Variants in SHOC1 observed in about 807,000 individuals in gnomAD.
The protein encoded by SHOC1 is protein shortage in chiasmata 1 ortholog.
In SHOC1, 136 loss-of-function variants were observed where a neutral mutation model predicts 179.2. The ratio of observed to expected loss-of-function variants is 0.76; its 90% confidence interval spans 0.66 to 0.87. The LOEUF (loss-of-function observed/expected upper bound fraction) is 0.87, where lower values mean the gene tolerates loss of function less well. Among genes scored for constraint, SHOC1 ranks in the 40% least tolerant of loss-of-function variants. The pLI is 0.00. For missense variants in SHOC1, 1,538 were observed against 1,700.8 expected, an observed-to-expected ratio of 0.90 and a Z score of 1.68; for synonymous variants, 489 against 586.6, an observed-to-expected ratio of 0.83 and a Z score of 2.41.
At chr9:111,723,978 AT>A (rs1026582822) in intron 13 of SHOC1, 67 bp from the exon 14 acceptor site, 21 of 1,197,996 alleles carry the variant, frequency 1.8e-5, no homozygotes, top group Non-Finnish European at 2.3e-5. Context: ...TTTTACCTTA[AT>A]TTTTTTTCTA....
At chr9:111,713,071 C>T (rs1832625306) in intron 18 of SHOC1, 29 bp downstream of exon 18, 10 of 1,324,232 alleles carry the variant, frequency 7.6e-6, no homozygotes, top group Non-Finnish European at 1.1e-5. Flanking sequence ...CATTTGTTAT[C>T]AAATGAAGCA....
At chr9:111,759,151 C>T in intron 5 of SHOC1, 2 of 1,603,398 alleles carry the variant, frequency 1.2e-6, no homozygotes, top group Non-Finnish European at 1.7e-6. Flanking sequence ...ATCTTATGGA[C>T]TTACACTTCA....
chr9:111,744,907 T>TA (rs1286308561), intron 10 of SHOC1, among the ~76,000 whole-genome samples: 6 of 152,250 alleles, frequency 3.9e-5, no homozygotes, highest in Admixed American at 2.6e-4. Context: ...AGGGCAAGGA[T>TA]GCTGGGCTAT....
At chr9:111,724,634 AGCTACCAT>A (rs1833218102) in intron 13 of SHOC1, among the ~76,000 whole-genome samples, 1 of 152,062 alleles carries the variant, frequency 6.6e-6, no homozygotes, top group Admixed American at 6.6e-5. Flanking sequence ...TACAGGCATG[AGCTACCAT>A]GCCTGACCTG....
At chr9:111,715,108 G>A (rs769354017) in intron 16 of SHOC1, among the ~76,000 whole-genome samples, 3 of 152,182 alleles carry the variant, frequency 2.0e-5, no homozygotes, top group Admixed American at 6.5e-5. Flanking sequence ...TAAAACAGCA[G>A]TGCCTCATTC....
At position 111,761,487 on chromosome 9, in the gene SHOC1, G is replaced by A. The variant is rs536880934; in HGVS notation, c.443-2639C>T. 1.2e-4 allele frequency among the ~76,000 whole-genome samples: 19 copies of A among 152,078 alleles called. No homozygotes were observed. In the East Asian group the frequency reaches 1.5e-3, roughly 12 times the overall value. On this transcript the variant is annotated intron_variant, in intron 5 of 27. Coordinates refer to ENST00000682961, the MANE Select transcript of SHOC1 (RefSeq NM_001378211.1). ...ACTGCACTCCAGCCTGGGCCACAGA[G>A]CAAGACTCCATCTTAGAACAAAAAA... is the stretch of plus-strand genomic sequence containing the variant.
In SHOC1 at chr9:111,769,975, G is replaced by GTTTGT. The variant is rs1564161086; in HGVS notation, c.442+5815_442+5816insACAAA. Among the ~76,000 whole-genome samples the GTTTGT allele has an allele frequency of 2.7e-4, 24 of 87,786 alleles. 1 individual carries two copies. Among genetic ancestry groups the GTTTGT allele is most frequent in the African/African-American group, 7.4e-4 (14 of 18,814 alleles). 57.6% of individuals were successfully genotyped at this position (87,786 alleles called of 152,430 possible). ...AATCTAGCGAAAGGTTTTATCTTCT[G>GTTTGT]TTTTTTTTTTGTTTTTTTTTTTTTT... On this transcript the variant is annotated intron_variant, in intron 5 of 27. Coordinates refer to ENST00000682961, the MANE Select transcript of SHOC1 (RefSeq NM_001378211.1).
chr9:111,702,742 A>G (rs1210608685), intron 22 of SHOC1, among the ~76,000 whole-genome samples: 2 of 152,248 alleles, frequency 1.3e-5, no homozygotes, highest in Non-Finnish European at 2.9e-5. Context: ...TTCCTTTAAC[A>G]TAAGTAATTT....
intron 20 of SHOC1, among the ~76,000 whole-genome samples, chr9:111,705,868 A>G (rs1029092711): frequency 6.6e-6 from 1 of 152,110 alleles, no homozygotes; most frequent in African/African-American, 2.4e-5. Context: ...TGGTCAAAAG[A>G]TATACACAGG....
At chr9:111,720,043 T>C (rs1832966580) in intron 15 of SHOC1, among the ~76,000 whole-genome samples, 1 of 152,142 alleles carries the variant, frequency 6.6e-6, no homozygotes, top group South Asian at 2.1e-4. Flanking sequence ...CTGAAAACTC[T>C]AAAAGGTAAA....
chr9:111,778,358 T>C lies in SHOC1; in HGVS notation c.258-2383A>G, dbSNP rs148967312. 3.7e-4 allele frequency among the ~76,000 whole-genome samples: 57 copies of C among 152,316 alleles called. No individual in the cohort carries two copies. The East Asian group carries it at 0.011, about 29-fold the overall frequency. On this transcript the variant is annotated intron_variant, in intron 4 of 27. Coordinates refer to ENST00000682961, the MANE Select transcript of SHOC1 (RefSeq NM_001378211.1). Reference sequence around the variant, plus strand: ...GAGTGTCTACAATGTGCTAACACCATTCTAGATGCTGGGAATGGGGTGGTA... The same window carrying C: ...GAGTGTCTACAATGTGCTAACACCACTCTAGATGCTGGGAATGGGGTGGTA...
chr9:111,736,865 A>G (rs1342255295), intron 12 of SHOC1, among the ~76,000 whole-genome samples: 1 of 152,198 alleles, frequency 6.6e-6, no homozygotes, highest in Non-Finnish European at 1.5e-5. Context: ...TAACAATTGA[A>G]CAAGCAAAAA....
At chr9:111,718,770 AT>A (rs373384114) in intron 15 of SHOC1, among the ~76,000 whole-genome samples, 3 of 151,888 alleles carry the variant, frequency 2.0e-5, no homozygotes, top group Admixed American at 6.5e-5. Context: ...AGGAATATTT[AT>A]TCAAAGGTAT....
chr9:111,778,532 G>A (rs1237123092), intron 4 of SHOC1, among the ~76,000 whole-genome samples: 1 of 152,090 alleles, frequency 6.6e-6, no homozygotes, highest in Non-Finnish European at 1.5e-5. Context: ...GTTTTGAGAG[G>A]CTGTGGTGGG....
At chr9:111,716,185 G>A (rs1454242909) in intron 16 of SHOC1, among the ~76,000 whole-genome samples, 1 of 151,948 alleles carries the variant, frequency 6.6e-6, no homozygotes, top group Non-Finnish European at 1.5e-5. Context: ...TACTTTTATG[G>A]TATTCCTTAA....
At chr9:111,714,674 A>C (rs1338878145) in intron 16 of SHOC1, 51 bp from the exon 17 acceptor site, 2 of 1,478,856 alleles carry the variant, frequency 1.4e-6, no homozygotes, top group South Asian at 2.5e-5. Flanking sequence ...TTTTTTAAGA[A>C]ACTCCGTGGT....
intron 3 of SHOC1, among the ~76,000 whole-genome samples, chr9:111,781,985 G>A (rs415101): frequency 0.076 from 11,542 of 152,146 alleles, 630 homozygotes; most frequent in South Asian, 0.21. Flanking sequence ...GCTGAGGCAG[G>A]TGGATCATGA....
intron 27 of SHOC1, among the ~76,000 whole-genome samples, chr9:111,688,670 C>T (rs993666985): frequency 2.0e-5 from 3 of 152,010 alleles, no homozygotes; most frequent in African/African-American, 7.2e-5. Flanking sequence ...AAAAACCCCA[C>T]TCTTGGCTCA....
rs1366223207 is a variant in SHOC1, at chr9:111,727,885, C to A, written c.1582G>T (p.Glu528Ter). Residue 528 changes from glutamate to a stop codon, truncating the protein, a stop_gained, in exon 13 of 28, where the codon GAA becomes TAA. Coordinates refer to ENST00000682961, the MANE Select transcript of SHOC1 (RefSeq NM_001378211.1). LOFTEE classifies it high-confidence loss of function. Reference protein sequence around the residue: ...YFSDKGAAKEEKPKNDQEPVN... With the variant: ...YFSDKGAAKE ...GGTTCTTGGTCATTCTTTGGTTTTTCTTCTTTTGCTGCTCCTTTATCAGAG... is the reference window on the plus strand; with the variant it reads ...GGTTCTTGGTCATTCTTTGGTTTTTATTCTTTTGCTGCTCCTTTATCAGAG... 1.2e-6 allele frequency: 2 copies of A among 1,612,498 alleles called. No homozygotes were observed. The highest frequency in any genetic ancestry group is 3.3e-5 in the Admixed American group (2 of 59,758).
Sources: gnomAD v4.1 joint callset for allele counts (sites outside exome capture counted in the v4.1 genomes callset) on GRCh38, gnomAD v4.1.1 for gene constraint, MANE v1.5 for transcripts, NCBI Gene and HGNC (gene_info 2026-07-23, HGNC 2026-07-21) for gene names.